Variants in BPIFA3 observed in about 807,000 individuals in gnomAD.
BPIFA3 encodes the protein BPI fold-containing family A member 3.
A neutral mutation model predicts 29.7 loss-of-function variants in BPIFA3; 32 were observed. The ratio of observed to expected loss-of-function variants is 1.08; its 90% CI spans 0.81 to 1.45. The LOEUF is 1.45. Among genes scored for constraint, BPIFA3 ranks in the 40% most tolerant of loss-of-function variants. The pLI, the probability that BPIFA3 is intolerant of heterozygous loss-of-function variation, is 0.00. For missense variants in BPIFA3, 323 were observed against 311.3 expected, an observed-to-expected ratio of 1.04 and a Z score of -0.28; for synonymous variants, 112 against 113.7, an observed-to-expected ratio of 0.98 and a Z score of 0.10.
In BPIFA3 at chr20:33,223,864, C is replaced by A; in HGVS notation, c.181C>A (p.His61Asn). 1 of 1,614,182 alleles carries A rather than the reference C, an allele frequency of 6.2e-7. No individual in the cohort carries two copies. Among genetic ancestry groups the A allele is most frequent in the South Asian group, 1.1e-5 (1 of 91,080 alleles). Residue 61 changes from histidine (H) to asparagine (N), a missense_variant, in exon 2 of 7, where the codon CAC (histidine) becomes AAC (asparagine). By Grantham distance (68) the His-to-Asn change is moderately conservative. Coordinates refer to ENST00000375454, the MANE Select transcript of BPIFA3 (RefSeq NM_178466.5). The stretch of plus-strand genomic sequence containing the variant: ...CGCAGAAAGCCGAATTCAGAACATC[C>A]ACTTTGGGGACAGACTGAATGCCTC... The part of the protein sequence containing the change: ...HNAESRIQNI[H>N]FGDRLNASAQ...
chr20:33,220,528 T>G (rs1328793644), intron 1 of BPIFA3, among the ~76,000 whole-genome samples: 1 of 152,182 alleles, frequency 6.6e-6, no homozygotes, highest in Non-Finnish European at 1.5e-5. Flanking sequence ...TTACTATATA[T>G]CCCATAAGAG....
At chr20:33,226,206 T>C (rs2146489451) in intron 4 of BPIFA3, 200 bp from the exon 5 acceptor site, 1 of 526,896 alleles carries the variant, frequency 1.9e-6, no homozygotes, top group Non-Finnish European at 3.3e-6. Flanking sequence ...GCCATGTTTC[T>C]AATATAACCA....
chr20:33,224,027 C>T, intron 2 of BPIFA3, 66 bp downstream of exon 2: 1 of 1,572,424 alleles, frequency 6.4e-7, no homozygotes, highest in Non-Finnish European at 8.7e-7. Context: ...AAGGGTAGAG[C>T]TGATGGGGGG....
intron 3 of BPIFA3, 78 bp from the exon 4 acceptor site, chr20:33,225,003 ACGGTGGACAGTGCCCGT>A (rs1264604678): frequency 1.5e-5 from 18 of 1,176,028 alleles, no homozygotes; most frequent in Admixed American, 1.8e-5. Flanking sequence ...GGAAGCCCTA[ACGGTGGACAGTGCCCGT>A]CTTTGCCAAT....
Position 33,223,865 on chromosome 20 carries a change from A to T in BPIFA3, c.182A>T (p.His61Leu). 1 of 1,614,066 alleles carries T rather than the reference A, an allele frequency of 6.2e-7. No individual in the cohort carries two copies. Among genetic ancestry groups the T allele is most frequent in the Non-Finnish European group, 8.5e-7 (1 of 1,179,988 alleles). ...HNAESRIQNI[H>L]FGDRLNASAQ... ...GCAGAAAGCCGAATTCAGAACATCC[A>T]CTTTGGGGACAGACTGAATGCCTCA... The change falls in exon 2 of 7, where the codon CAC becomes CTC. Residue 61 changes from histidine (H) to leucine (L), a missense_variant. His to Leu is a moderately conservative substitution (Grantham distance 99). Coordinates refer to ENST00000375454, the MANE Select transcript of BPIFA3 (RefSeq NM_178466.5).
intron 4 of BPIFA3, chr20:33,226,127 AC>A: frequency 2.9e-6 from 1 of 339,832 alleles, no homozygotes; most frequent in Non-Finnish European, 5.3e-6. Context: ...TTCATTGAGT[AC>A]CTAGATTGTA....
chr20:33,222,416 G>A (rs140007970), intron 1 of BPIFA3, among the ~76,000 whole-genome samples: 2 of 152,244 alleles, frequency 1.3e-5, no homozygotes, highest in Non-Finnish European at 2.9e-5. Flanking sequence ...AAGAGTCAGT[G>A]AGGGTGAGGC....
In BPIFA3 at chr20:33,227,670, G is replaced by A. The variant is rs1394225729; in HGVS notation, c.*53G>A. ...ATCTTGCAACCTTAAGTCTCCCTTA[G>A]AGTGGGGCTTCTGCTACCCTAAAAA... On this transcript the variant is annotated 3_prime_UTR_variant, in exon 7 of 7. Coordinates refer to ENST00000375454, the MANE Select transcript of BPIFA3 (RefSeq NM_178466.5). 7.4e-6 allele frequency: 11 copies of A among 1,488,964 alleles called. No individual in the cohort carries two copies. The highest frequency in any genetic ancestry group is 1.1e-5 in the South Asian group (1 of 88,396). The allele number at this position is 1,488,964 out of a possible 1,614,324, so 92.2% of individuals were successfully genotyped here. A position where few individuals can be genotyped will look rare whatever the true frequency, so the allele number is the denominator to read the frequency against.
chr20:33,224,537 G>T, intron 3 of BPIFA3, 75 bp downstream of exon 3: 1 of 1,268,488 alleles, frequency 7.9e-7, no homozygotes, highest in Non-Finnish European at 1.1e-6. Context: ...AGATCTTTCT[G>T]ATCCCAACCT....
chr20:33,219,279 T>A (rs540515596), intron 1 of BPIFA3, among the ~76,000 whole-genome samples: 4 of 152,296 alleles, frequency 2.6e-5, no homozygotes, highest in Admixed American at 1.3e-4. Flanking sequence ...GTTTTTTTAA[T>A]CCTCTTTGAC....
At chr20:33,222,825 C>A (rs536901135) in intron 1 of BPIFA3, among the ~76,000 whole-genome samples, 1 of 152,348 alleles carries the variant, frequency 6.6e-6, no homozygotes, top group Admixed American at 6.5e-5. Flanking sequence ...TATAGGTTCA[C>A]TCTATCCTTG....
intron 1 of BPIFA3, among the ~76,000 whole-genome samples, chr20:33,221,425 G>A (rs1985510438): frequency 6.6e-6 from 1 of 152,132 alleles, no homozygotes; most frequent in Non-Finnish European, 1.5e-5. Flanking sequence ...CCAAAGTGTT[G>A]GGATTACAGG....
At chr20:33,219,830 G>A (rs1478361757) in intron 1 of BPIFA3, among the ~76,000 whole-genome samples, 1 of 152,112 alleles carries the variant, frequency 6.6e-6, no homozygotes, top group Non-Finnish European at 1.5e-5. Flanking sequence ...TCGTCTGGCC[G>A]AGCACGGTGG....
chr20:33,219,067 G>A (rs1017795917), intron 1 of BPIFA3, among the ~76,000 whole-genome samples: 2 of 151,996 alleles, frequency 1.3e-5, no homozygotes, highest in African/African-American at 4.8e-5. Context: ...CACCATGCCC[G>A]GCTAATTTTT....
At chr20:33,220,037 C>T (rs544809408) in intron 1 of BPIFA3, among the ~76,000 whole-genome samples, 27 of 149,268 alleles carry the variant, frequency 1.8e-4, no homozygotes, top group Non-Finnish European at 3.9e-4. Flanking sequence ...GAGTTTGAGA[C>T]TGCAATGAGT....
rs1985327619 is a variant in BPIFA3 at position 33,217,659 on chromosome 20, A to G, written c.123A>G (p.Ala41=). ...ACAGAGACAACAAATCCACCCTGGCAAGAAGTAAGCTAAGCCCCGGGCTCT... is the reference window on the plus strand; with the variant it reads ...ACAGAGACAACAAATCCACCCTGGCGAGAAGTAAGCTAAGCCCCGGGCTCT... ...QAHRDNKSTL[A]RIIAQGLIKH... Residue 41 remains alanine, a synonymous_variant, in exon 1 of 7, where the codon GCA becomes GCG. Transcript: ENST00000375454. The G allele has an allele frequency of 6.2e-7, 1 of 1,613,232 alleles. No homozygotes were observed. Among genetic ancestry groups the G allele is most frequent in the Non-Finnish European group, 8.5e-7 (1 of 1,179,688 alleles).
intron 4 of BPIFA3, chr20:33,225,614 A>C: frequency 5.1e-6 from 1 of 197,250 alleles, no homozygotes; most frequent in Admixed American, 5.4e-5. Context: ...TGCAGCAGAA[A>C]TAACTTTCTA....
intron 6 of BPIFA3, 27 bp from the exon 7 acceptor site, chr20:33,227,511 G>A: frequency 6.3e-7 from 1 of 1,594,608 alleles, no homozygotes; most frequent in Non-Finnish European, 8.6e-7. Flanking sequence ...GCACACTGGT[G>A]ACAGACGCTA....
At chr20:33,224,510 G>C in intron 3 of BPIFA3, 48 bp downstream of exon 3, 1 of 1,440,420 alleles carries the variant, frequency 6.9e-7, no homozygotes, top group South Asian at 1.2e-5. Context: ...CCTCCTCGCA[G>C]GGAACCTGGG....
Sources: allele counts gnomAD v4.1 joint callset (sites outside exome capture counted in the v4.1 genomes callset), GRCh38; gene constraint gnomAD v4.1.1; transcripts MANE v1.5; gene names NCBI Gene and HGNC (gene_info 2026-07-23, HGNC 2026-07-21).